The following ADAMTSL1 variants were observed in gnomAD, a reference collection of about 807,000 sequenced individuals.
The protein encoded by ADAMTSL1 is ADAMTS-like protein 1.
ADAMTSL1 carries 126 observed loss-of-function variants against 201.8 expected under a neutral mutation model. That is an observed-to-expected ratio of 0.62 (90% CI 0.54 to 0.72). ADAMTSL1 has a LOEUF of 0.72. Ranked by LOEUF, ADAMTSL1 falls within the 30% of genes least tolerant of loss-of-function variation. ADAMTSL1 has a pLI of 0.00. For missense variants in ADAMTSL1, 2,679 were observed against 2,277.8 expected (o/e 1.18, Z -3.59); for synonymous variants, 1,121 against 903.4 (o/e 1.24, Z -4.32).
At chr9:18,251,909 C>T (rs971793494) in intron 2 of ADAMTSL1, among the ~76,000 whole-genome samples, 3 of 152,086 alleles carry the variant, frequency 2.0e-5, no homozygotes, top group African/African-American at 7.2e-5. Context: ...GCATTGCTGA[C>T]ATAATGACTA....
At chr9:18,819,281 C>G (rs1191343337) in intron 21 of ADAMTSL1, among the ~76,000 whole-genome samples, 1 of 151,900 alleles carries the variant, frequency 6.6e-6, no homozygotes, top group Non-Finnish European at 1.5e-5. Flanking sequence ...CATGGTGAAA[C>G]CCTATCTCTA....
intron 1 of ADAMTSL1, among the ~76,000 whole-genome samples, chr9:18,121,338 A>G (rs1025174232): frequency 2.0e-5 from 3 of 152,158 alleles, no homozygotes; most frequent in African/African-American, 4.8e-5. Context: ...AAAAAACTCA[A>G]ACTAATTTGT....
At chr9:18,497,235 G>A (rs78439373) in intron 1 of ADAMTSL1, among the ~76,000 whole-genome samples, 1 of 152,134 alleles carries the variant, frequency 6.6e-6, no homozygotes, top group Non-Finnish European at 1.5e-5. Context: ...TATAGTCCAG[G>A]GGCCAGGAAG....
At chr9:17,918,252 T>C (rs1171362306) in intron 1 of ADAMTSL1, among the ~76,000 whole-genome samples, 1 of 151,834 alleles carries the variant, frequency 6.6e-6, no homozygotes, top group Non-Finnish European at 1.5e-5. Context: ...TGATATAAGG[T>C]ATTTTGGATT....
At chr9:18,516,767 G>T (rs1243368226) in intron 2 of ADAMTSL1, among the ~76,000 whole-genome samples, 1 of 152,174 alleles carries the variant, frequency 6.6e-6, no homozygotes, top group Non-Finnish European at 1.5e-5. Flanking sequence ...TATCCAAGGT[G>T]CCCTTCAACT....
intron 2 of ADAMTSL1, among the ~76,000 whole-genome samples, chr9:18,201,942 T>A (rs1209247769): frequency 6.6e-6 from 1 of 152,150 alleles, no homozygotes; most frequent in Non-Finnish European, 1.5e-5. Context: ...ACCACTGAAT[T>A]TGGCCTTTTT....
At chr9:18,612,958 A>C (rs1825475840) in intron 4 of ADAMTSL1, among the ~76,000 whole-genome samples, 1 of 152,190 alleles carries the variant, frequency 6.6e-6, no homozygotes, top group African/African-American at 2.4e-5. Context: ...ATATTTGCAA[A>C]CTATGCATCT....
chr9:18,302,467 G>A (rs10963565), intron 2 of ADAMTSL1, among the ~76,000 whole-genome samples: 22,818 of 152,122 alleles, frequency 0.15, 2,262 homozygotes, highest in African/African-American at 0.27. Flanking sequence ...ACTTAGATAT[G>A]TGGATATGGG....
chr9:18,585,900 G>C (rs539236683), intron 4 of ADAMTSL1, among the ~76,000 whole-genome samples: 2 of 152,104 alleles, frequency 1.3e-5, no homozygotes, highest in African/African-American at 4.8e-5. Context: ...ATCTCTTCTT[G>C]TTAAAAATTT....
At chr9:18,078,366 C>T (rs1823324984) in intron 1 of ADAMTSL1, among the ~76,000 whole-genome samples, 1 of 152,168 alleles carries the variant, frequency 6.6e-6, no homozygotes, top group Admixed American at 6.5e-5. Flanking sequence ...AAAATCTAGA[C>T]TCAGAAATAC....
rs1362092180 is a variant in ADAMTSL1, at chr9:18,889,634, A to G, written c.4529A>G (p.Gln1510Arg). The change falls in exon 25 of 29, where the codon CAG becomes CGG. Residue 1510 changes from glutamine to arginine, a missense_variant. Coordinates refer to ENST00000380548, the MANE Select transcript of ADAMTSL1 (RefSeq NM_001040272.6). ...TCCTGTGGTAACCGGGGGGTTCAGCAGCCCCGCTTGAGGTGCCTGCTGAAC... is the reference window on the plus strand; with the variant it reads ...TCCTGTGGTAACCGGGGGGTTCAGCGGCCCCGCTTGAGGTGCCTGCTGAAC... ...SASCGNRGVQ[Q>R]PRLRCLLNST... 1 of 1,613,424 alleles carries G rather than the reference A, an allele frequency of 6.2e-7. No individual in the cohort carries two copies. Among genetic ancestry groups the G allele is most frequent in the Non-Finnish European group, 8.5e-7 (1 of 1,179,678 alleles).
At chr9:17,973,036 T>A (rs1399640531) in intron 1 of ADAMTSL1, among the ~76,000 whole-genome samples, 13 of 35,838 alleles carry the variant, frequency 3.6e-4, no homozygotes, top group African/African-American at 1.1e-3. Context: ...GTAAATTTGT[T>A]TGAGTTCATT....
At chr9:17,993,089 C>T (rs962841592) in intron 1 of ADAMTSL1, among the ~76,000 whole-genome samples, 2 of 152,122 alleles carry the variant, frequency 1.3e-5, no homozygotes, top group Non-Finnish European at 2.9e-5. Context: ...ACAAATAATA[C>T]ATTCTTGCTA....
At chr9:18,805,403 T>C (rs1363521295) in intron 20 of ADAMTSL1, among the ~76,000 whole-genome samples, 1 of 152,224 alleles carries the variant, frequency 6.6e-6, no homozygotes, top group Non-Finnish European at 1.5e-5. Flanking sequence ...GTGTTTTCTG[T>C]ATTCATCAGA....
intron 1 of ADAMTSL1, among the ~76,000 whole-genome samples, chr9:17,918,946 G>T (rs959690669): frequency 1.3e-5 from 2 of 151,644 alleles, no homozygotes; most frequent in Admixed American, 6.6e-5. Context: ...CCTAGTAATG[G>T]TCTGTGCTCT....
At chr9:18,197,574 T>A (rs1174291219) in intron 2 of ADAMTSL1, among the ~76,000 whole-genome samples, 1 of 145,504 alleles carries the variant, frequency 6.9e-6, no homozygotes, top group Admixed American at 7.0e-5. Context: ...TTAAGGAGAT[T>A]TTGGGCTGAG....
At chr9:17,914,210 CA>C (rs1488000844) in intron 1 of ADAMTSL1, among the ~76,000 whole-genome samples, 1 of 152,208 alleles carries the variant, frequency 6.6e-6, no homozygotes, top group Non-Finnish European at 1.5e-5. Flanking sequence ...CTGGCGGAGA[CA>C]CAACCAAAAA....
intron 1 of ADAMTSL1, among the ~76,000 whole-genome samples, chr9:18,130,991 G>A (rs931858023): frequency 1.3e-5 from 2 of 152,110 alleles, no homozygotes; most frequent in Admixed American, 1.3e-4. Flanking sequence ...ATCCTCAAGA[G>A]CATGTTAAGA....
chr9:18,004,392 G>A (rs940529814), intron 1 of ADAMTSL1, among the ~76,000 whole-genome samples: 3 of 151,940 alleles, frequency 2.0e-5, no homozygotes, highest in African/African-American at 4.8e-5. Flanking sequence ...AGGTGGTAAG[G>A]GGACTCCTAC....
Sources: gnomAD v4.1 joint callset for allele counts (sites outside exome capture counted in the v4.1 genomes callset) on GRCh38, gnomAD v4.1.1 for gene constraint, MANE v1.5 for transcripts, NCBI Gene and HGNC (gene_info 2026-07-23, HGNC 2026-07-21) for gene names.